The following NOS1AP variants were observed in gnomAD, a reference collection of about 807,000 sequenced individuals.
NOS1AP encodes the protein carboxyl-terminal PDZ ligand of neuronal nitric oxide synthase protein.
A neutral mutation model predicts 56.2 loss-of-function variants in NOS1AP; 21 were observed. The observed-to-expected ratio is 0.37, with a 90% CI of 0.26 to 0.54. The LOEUF is 0.54. NOS1AP is among the 20% of genes least tolerant of loss of function. NOS1AP has a pLI of 0.84. For synonymous variants in NOS1AP, 270 were observed against 274.6 expected (o/e 0.98, Z 0.17); for missense variants, 522 against 657.8 (o/e 0.79, Z 2.26).
At chr1:162,270,376 G>A (rs574401736) in intron 2 of NOS1AP, among the ~76,000 whole-genome samples, 13 of 152,300 alleles carry the variant, frequency 8.5e-5, no homozygotes, top group Middle Eastern at 3.4e-3. Context: ...TGCCTGCAAA[G>A]AATTTACAGT....
At chr1:162,210,906 C>T (rs980275222) in intron 2 of NOS1AP, among the ~76,000 whole-genome samples, 4 of 152,244 alleles carry the variant, frequency 2.6e-5, no homozygotes, top group African/African-American at 7.2e-5. Flanking sequence ...GGCCCCTGAG[C>T]TCACGGAGTC....
At chr1:162,307,411 T>C (rs1172516646) in intron 4 of NOS1AP, among the ~76,000 whole-genome samples, 2 of 152,206 alleles carry the variant, frequency 1.3e-5, no homozygotes, top group Non-Finnish European at 2.9e-5. Flanking sequence ...TCTTCAGTTA[T>C]GAGTTTAAAT....
chr1:162,214,518 A>G (rs1314135561), intron 2 of NOS1AP, among the ~76,000 whole-genome samples: 1 of 151,664 alleles, frequency 6.6e-6, no homozygotes, highest in Non-Finnish European at 1.5e-5. Flanking sequence ...CTGAGTTTTG[A>G]TTTTCCCTTC....
chr1:162,193,127 A>G (rs1011993163), intron 2 of NOS1AP, among the ~76,000 whole-genome samples: 1 of 152,198 alleles, frequency 6.6e-6, no homozygotes, highest in Admixed American at 6.5e-5. Flanking sequence ...TACTGAAAAG[A>G]TGACTCTCAG....
chr1:162,101,558 C>T (rs947133678), intron 1 of NOS1AP, among the ~76,000 whole-genome samples: 3 of 152,280 alleles, frequency 2.0e-5, no homozygotes, highest in African/African-American at 4.8e-5. Context: ...GATATTGATT[C>T]TACCTATCCA....
At chr1:162,258,752 A>C (rs1053072687) in intron 2 of NOS1AP, among the ~76,000 whole-genome samples, 1 of 152,162 alleles carries the variant, frequency 6.6e-6, no homozygotes, top group Non-Finnish European at 1.5e-5. Context: ...GCTCTGAAGG[A>C]GGGTGAGAGT....
intron 2 of NOS1AP, among the ~76,000 whole-genome samples, chr1:162,276,060 A>T (rs755474978): frequency 5.3e-5 from 8 of 152,218 alleles, no homozygotes; most frequent in Non-Finnish European, 7.3e-5. Context: ...AGAGAGTTGC[A>T]TAGTTGCAAC....
chr1:162,190,110 C>T (rs374002353), intron 2 of NOS1AP, among the ~76,000 whole-genome samples: 36 of 152,286 alleles, frequency 2.4e-4, no homozygotes, highest in African/African-American at 8.2e-4. Context: ...TTTTGTGGAG[C>T]TTAACTTTTT....
intron 2 of NOS1AP, among the ~76,000 whole-genome samples, chr1:162,161,616 G>A (rs1462090127): frequency 5.9e-5 from 9 of 151,934 alleles, no homozygotes; most frequent in Middle Eastern, 6.8e-3. Flanking sequence ...TCCCTGAGAT[G>A]GGCTCTTGCT....
rs574262930 is a variant in NOS1AP, at chr1:162,188,492, T to C, written c.177+34016T>C. On this transcript the variant is annotated intron_variant, in intron 2 of 9. Transcript: ENST00000361897. The surrounding 1 kb of genome is among the most constrained non-coding windows in gnomAD (Gnocchi z 4.0). ...ATTTTTTAGACTGTAGGGGCAGCAC[T>C]CTTGTTTGTGGGCTCTGATATATGC... is the stretch of plus-strand genomic sequence containing the variant. 3.7e-4 allele frequency among the ~76,000 whole-genome samples: 57 copies of C among 152,296 alleles called. No homozygotes were observed. The highest frequency in any genetic ancestry group is 1.3e-3 in the African/African-American group (54 of 41,568).
chr1:162,365,095 T>TGCAC, intron 8 of NOS1AP: 44 of 1,282,308 alleles, frequency 3.4e-5, no homozygotes, highest in East Asian at 1.8e-4. Flanking sequence ...TGTGTGTACG[T>TGCAC]GTGTGTGTGT....
chr1:162,359,818 T>C (rs534029880), intron 8 of NOS1AP, among the ~76,000 whole-genome samples: 1 of 152,256 alleles, frequency 6.6e-6, no homozygotes, highest in Non-Finnish European at 1.5e-5. Context: ...CTGTCTTTAT[T>C]AAACTACCAG....
At chr1:162,114,838 C>T (rs1280718495) in intron 1 of NOS1AP, among the ~76,000 whole-genome samples, 6 of 152,160 alleles carry the variant, frequency 3.9e-5, no homozygotes, top group Non-Finnish European at 8.8e-5. Context: ...TCTATGTGAC[C>T]TCTCCCCGTG....
chr1:162,131,389 C>G (rs1648742252), intron 1 of NOS1AP, among the ~76,000 whole-genome samples: 1 of 151,574 alleles, frequency 6.6e-6, no homozygotes, highest in African/African-American at 2.4e-5. Context: ...CCTTTCTGCC[C>G]TATTGTGGCT....
chr1:162,260,828 A>G (rs571596854), intron 2 of NOS1AP, among the ~76,000 whole-genome samples: 47 of 152,066 alleles, frequency 3.1e-4, no homozygotes, highest in Non-Finnish European at 6.0e-4. Context: ...ATAATGATTG[A>G]CTATCTTAAT....
intron 2 of NOS1AP, among the ~76,000 whole-genome samples, chr1:162,228,845 T>A (rs1653027781): frequency 6.6e-6 from 1 of 152,062 alleles, no homozygotes; most frequent in African/African-American, 2.4e-5. Flanking sequence ...TAAAACCAAA[T>A]GATGGTAAAA....
chr1:162,196,856 G>A (rs12567315), intron 2 of NOS1AP, among the ~76,000 whole-genome samples: 41,069 of 152,126 alleles, frequency 0.27, 5,786 homozygotes, highest in East Asian at 0.39. Flanking sequence ...TTGTGCGAAC[G>A]AATCTAGAGT....
chr1:162,238,225 A>G (rs1202643199), intron 2 of NOS1AP, among the ~76,000 whole-genome samples: 1 of 152,136 alleles, frequency 6.6e-6, no homozygotes, highest in African/African-American at 2.4e-5. Context: ...GAATGGACGT[A>G]TGAATAAGAG....
intron 2 of NOS1AP, among the ~76,000 whole-genome samples, chr1:162,252,328 G>A (rs1557849828): frequency 6.6e-6 from 1 of 152,144 alleles, no homozygotes; most frequent in African/African-American, 2.4e-5. Context: ...TGGGATTATA[G>A]GCATGAACCA....
Sources: gnomAD v4.1 joint callset for allele counts (sites outside exome capture counted in the v4.1 genomes callset) on GRCh38, gnomAD v4.1.1 for gene constraint, Gnocchi (gnomAD v3.1) non-coding constraint, MANE v1.5 for transcripts, NCBI Gene and HGNC (gene_info 2026-07-23, HGNC 2026-07-21) for gene names.